Variants in ZNF676 observed in about 807,000 individuals in gnomAD.
The protein encoded by ZNF676 is zinc finger protein 676.
ZNF676 carries 4 observed loss-of-function variants against 6.0 expected under a neutral mutation model. That is an observed-to-expected ratio of 0.67 (90% confidence interval 0.33 to 1.53). The LOEUF (loss-of-function observed/expected upper bound fraction) is 1.53. Among genes scored for constraint, ZNF676 ranks in the 40% most tolerant of loss-of-function variants. The probability of loss-of-function intolerance (pLI) is 0.06; values close to 1 mark genes in which losing one functional copy is unlikely to be tolerated. For synonymous variants in ZNF676, 198 were observed against 223.1 expected (o/e 0.89, Z 1.00); for missense variants, 644 against 679.7 (o/e 0.95, Z 0.58).
Position 22,180,443 on chromosome 19 carries a change from T to A in ZNF676, c.1274A>T (p.Glu425Val), listed in dbSNP as rs755735633. 9 of 1,612,952 alleles carry A rather than the reference T, an allele frequency of 5.6e-6. No homozygotes were observed. In the African/African-American group the frequency reaches 1.1e-4, roughly 19 times the overall value. ...GGACCAGCTGAAGGCTTTGCCACAT[T>A]CTTCACACTTGTAGGGTTTCTCTCC... is the stretch of plus-strand genomic sequence containing the variant. ...HTGEKPYKCE[E>V]CGKAFSWSSS... The change falls in exon 3 of 3, where the codon GAA becomes GTA. Residue 425 changes from glutamate (E) to valine (V), a missense_variant. Around this residue, in one of 5 missense-constraint regions of ZNF676, gnomAD observed 306 missense variants for 265.4 expected, o/e 1.15. Coordinates refer to ENST00000397121, the MANE Select transcript of ZNF676 (RefSeq NM_001001411.3).
the ZNF676 span, among the ~76,000 whole-genome samples, chr19:22,258,575 C>T: frequency 0.015 from 2,260 of 152,196 alleles, 45 homozygotes; most frequent in African/African-American, 0.051. Context: ...ATGGTCACAG[C>T]GATACGTCAG....
the ZNF676 span, among the ~76,000 whole-genome samples, chr19:22,227,439 C>A: frequency 6.6e-6 from 1 of 152,130 alleles, no homozygotes; most frequent in Non-Finnish European, 1.5e-5. Flanking sequence ...CCTAAAATCA[C>A]AATTAACAGA....
At chr19:22,222,810 A>T in the ZNF676 span, among the ~76,000 whole-genome samples, 1 of 152,120 alleles carries the variant, frequency 6.6e-6, no homozygotes, top group Non-Finnish European at 1.5e-5. Flanking sequence ...TGTAATTCCC[A>T]TTTTATTATT....
intron 1 of ZNF676, among the ~76,000 whole-genome samples, chr19:22,202,610 CTG>C (rs950042885): frequency 2.0e-5 from 3 of 152,152 alleles, no homozygotes; most frequent in African/African-American, 7.2e-5. Flanking sequence ...AGAAAGAAAA[CTG>C]TTTTATTACA....
chr19:22,215,508 C>T, intron 1 of ZNF676: 1 of 1,156,430 alleles, frequency 8.6e-7, no homozygotes, highest in Non-Finnish European at 1.3e-6. Context: ...GGACTGAGGT[C>T]GAGCTAGGCA....
At chr19:22,231,055 G>C in the ZNF676 span, among the ~76,000 whole-genome samples, 10 of 151,950 alleles carry the variant, frequency 6.6e-5, no homozygotes, top group Non-Finnish European at 1.3e-4. Flanking sequence ...ACATTTTTAA[G>C]TATTTTCTAT....
Position 22,179,816 on chromosome 19 carries a change from G to T in ZNF676, c.*134C>A. 2 of 1,041,062 alleles carry T rather than the reference G, an allele frequency of 1.9e-6. No individual in the cohort carries two copies. Among genetic ancestry groups the T allele is most frequent in the Non-Finnish European group, 1.5e-6 (1 of 681,916 alleles). The allele number at this position is 1,041,062 out of a possible 1,614,324, so 64.5% of individuals were successfully genotyped here. On this transcript the variant is annotated 3_prime_UTR_variant, in exon 3 of 3. Coordinates refer to ENST00000397121, the MANE Select transcript of ZNF676 (RefSeq NM_001001411.3). ...TTCTCTCCAGCATGAATTTTCTTAT[G>T]TGTAATAAAGATTGAGGACTGTTTA...
intron 2 of ZNF676, among the ~76,000 whole-genome samples, chr19:22,188,764 G>A (rs1351240123): frequency 3.3e-5 from 5 of 152,184 alleles, no homozygotes; most frequent in East Asian, 1.9e-4. Context: ...TTGCTACAAA[G>A]AGAATAAAAT....
At chr19:22,193,723 C>T (rs1225066536) in intron 1 of ZNF676, among the ~76,000 whole-genome samples, 1 of 152,078 alleles carries the variant, frequency 6.6e-6, no homozygotes, top group African/African-American at 2.4e-5. Flanking sequence ...GCTGATGCTG[C>T]GGCTAGGGAA....
At chr19:22,252,394 G>GAAA in the ZNF676 span, among the ~76,000 whole-genome samples, 110 of 126,454 alleles carry the variant, frequency 8.7e-4, no homozygotes, top group African/African-American at 2.4e-3. Context: ...GACTCTGTCT[G>GAAA]AAAAAAAAAA....
the ZNF676 span, among the ~76,000 whole-genome samples, chr19:22,249,518 T>G: frequency 6.6e-6 from 1 of 152,174 alleles, no homozygotes; most frequent in African/African-American, 2.4e-5. Flanking sequence ...GTTCAAGTAA[T>G]TCTCCTGCCT....
At chr19:22,237,451 A>C in the ZNF676 span, among the ~76,000 whole-genome samples, 1,301 of 130,152 alleles carry the variant, frequency 1.0e-2, 2 homozygotes, top group African/African-American at 0.036. Context: ...TAAATTAGAA[A>C]ACTCAAGCAG....
intron 2 of ZNF676, among the ~76,000 whole-genome samples, chr19:22,184,916 G>A (rs2023813959): frequency 6.6e-6 from 1 of 151,516 alleles, no homozygotes; most frequent in South Asian, 2.1e-4. Context: ...GAGCACCTGG[G>A]GGAAGGGACA....
upstream of ZNF676, among the ~76,000 whole-genome samples, chr19:22,220,649 G>C (rs1198639521): frequency 6.6e-6 from 1 of 151,952 alleles, no homozygotes; most frequent in Non-Finnish European, 1.5e-5. Flanking sequence ...TAGAGATGGG[G>C]TTTTGCCATG....
At chr19:22,257,300 C>A in the ZNF676 span, among the ~76,000 whole-genome samples, 1 of 152,080 alleles carries the variant, frequency 6.6e-6, no homozygotes, top group African/African-American at 2.4e-5. Flanking sequence ...ACAACCCCTA[C>A]AAGATAGATG....
the ZNF676 span, among the ~76,000 whole-genome samples, chr19:22,235,133 A>C: frequency 6.7e-6 from 1 of 150,196 alleles, no homozygotes; most frequent in Non-Finnish European, 1.5e-5. Flanking sequence ...GGAAGGAAGG[A>C]AGGAAGGAAG....
the ZNF676 span, among the ~76,000 whole-genome samples, chr19:22,246,579 G>A: frequency 3.9e-5 from 6 of 152,260 alleles, no homozygotes; most frequent in East Asian, 9.7e-4. Flanking sequence ...TACCCTAGGT[G>A]CAAGTCTCTG....
At chr19:22,242,535 A>C in the ZNF676 span, among the ~76,000 whole-genome samples, 5 of 151,970 alleles carry the variant, frequency 3.3e-5, no homozygotes, top group African/African-American at 1.2e-4. Flanking sequence ...AGCCCACGAT[A>C]TGTCAAAATA....
the ZNF676 span, among the ~76,000 whole-genome samples, chr19:22,241,146 G>A: frequency 2.0e-5 from 3 of 151,926 alleles, no homozygotes; most frequent in Admixed American, 2.0e-4. Context: ...AATCCCTACT[G>A]GGGGCTGGAC....
Sources: gnomAD v4.1 joint callset for allele counts (sites outside exome capture counted in the v4.1 genomes callset) on GRCh38, gnomAD v4.1.1 for gene constraint, gnomAD v4.1.1 regional missense constraint, MANE v1.5 for transcripts, NCBI Gene and HGNC (gene_info 2026-07-23, HGNC 2026-07-21) for gene names.